Variants in PHACTR1 observed in about 807,000 individuals in gnomAD.
The protein encoded by PHACTR1 is phosphatase and actin regulator 1, also known as RPEL repeat containing 1.
In PHACTR1, 16 loss-of-function variants were observed where a neutral mutation model predicts 69.2. The observed-to-expected ratio is 0.23, with a 90% CI of 0.16 to 0.35. The LOEUF (loss-of-function observed/expected upper bound fraction) is 0.35, where lower values mean the gene tolerates loss of function less well. PHACTR1 is among the 10% of genes least tolerant of loss of function. PHACTR1 has a pLI of 1.00. For synonymous variants in PHACTR1, 312 were observed against 284.5 expected (o/e 1.10, Z -0.97); for missense variants, 510 against 734.7 (o/e 0.69, Z 3.54).
rs558796045 is a variant in PHACTR1, at chr6:13,202,280, G to A, written c.665-3535G>A. On this transcript the variant is annotated intron_variant, in intron 7 of 14. Coordinates refer to ENST00000332995, the MANE Select transcript of PHACTR1 (RefSeq NM_030948.6). Reference sequence around the variant, plus strand: ...GAGAAGCTATTGATTAACAAGATGGGCAGAACTCAATATAATCACTGCTCC... The same window carrying A: ...GAGAAGCTATTGATTAACAAGATGGACAGAACTCAATATAATCACTGCTCC... Among the ~76,000 whole-genome samples the A allele has an allele frequency of 3.3e-5, 5 of 152,268 alleles. No individual in the cohort carries two copies. The East Asian group carries it at 9.6e-4, about 29-fold the overall frequency.
At chr6:12,915,790 C>T (rs998000446) in intron 4 of PHACTR1, among the ~76,000 whole-genome samples, 7 of 152,160 alleles carry the variant, frequency 4.6e-5, no homozygotes, top group African/African-American at 1.4e-4. Context: ...CCATCTGCTT[C>T]GTCACCCCTA....
intron 6 of PHACTR1, among the ~76,000 whole-genome samples, chr6:13,171,914 C>T (rs1020492433): frequency 1.3e-5 from 2 of 152,092 alleles, no homozygotes; most frequent in African/African-American, 4.8e-5. Flanking sequence ...TACAGGCATG[C>T]GCCACCATGC....
At chr6:12,798,257 G>A (rs922894874) in intron 4 of PHACTR1, among the ~76,000 whole-genome samples, 1 of 152,164 alleles carries the variant, frequency 6.6e-6, no homozygotes, top group Non-Finnish European at 1.5e-5. Flanking sequence ...CCAGAAATCT[G>A]GAGGTTGAGT....
chr6:13,086,934 T>C (rs949209905), intron 5 of PHACTR1, among the ~76,000 whole-genome samples: 2 of 152,062 alleles, frequency 1.3e-5, no homozygotes, highest in African/African-American at 4.8e-5. Context: ...CACTTGGTAT[T>C]ATCCATTCAT....
At chr6:13,057,821 C>G (rs904767905) in intron 5 of PHACTR1, among the ~76,000 whole-genome samples, 1 of 152,198 alleles carries the variant, frequency 6.6e-6, no homozygotes, top group African/African-American at 2.4e-5. Flanking sequence ...GCTACTCTTA[C>G]ATCCTTCCTG....
intron 4 of PHACTR1, among the ~76,000 whole-genome samples, chr6:12,966,869 A>G (rs1793569819): frequency 6.6e-6 from 1 of 152,230 alleles, no homozygotes; most frequent in Non-Finnish European, 1.5e-5. Flanking sequence ...GGTGACTTAC[A>G]GATGTGCTCG....
rs549886878 is a variant in PHACTR1 at position 13,172,111 on chromosome 6, C to G, written c.497-10408C>G. On this transcript the variant is annotated intron_variant, in intron 6 of 14. Transcript: ENST00000332995. ...ATCTTGGATGCTAGGCTCAGTTGGG[C>G]TACCCTATTAATGATGAAAGAGGCC... 2.0e-5 allele frequency among the ~76,000 whole-genome samples: 3 copies of G among 152,262 alleles called. No individual in the cohort carries two copies. The South Asian group carries it at 6.2e-4, about 32-fold the overall frequency.
chr6:13,269,246 G>A (rs1272542034), intron 10 of PHACTR1, among the ~76,000 whole-genome samples: 7 of 152,164 alleles, frequency 4.6e-5, no homozygotes, highest in Admixed American at 2.0e-4. Context: ...AAGTGGCTGC[G>A]CATCTCTTAT....
At chr6:12,805,999 G>A (rs890481002) in intron 4 of PHACTR1, among the ~76,000 whole-genome samples, 7 of 152,094 alleles carry the variant, frequency 4.6e-5, no homozygotes, top group Non-Finnish European at 8.8e-5. Flanking sequence ...CTGCATTCTT[G>A]TTATTCTCCC....
chr6:12,742,473 T>C (rs929219889), intron 3 of PHACTR1, among the ~76,000 whole-genome samples: 1 of 152,154 alleles, frequency 6.6e-6, no homozygotes, highest in Non-Finnish European at 1.5e-5. Context: ...GGTTGACTTC[T>C]TTACCACAAC....
intron 4 of PHACTR1, among the ~76,000 whole-genome samples, chr6:13,025,677 G>C (rs574359263): frequency 5.3e-5 from 8 of 150,044 alleles, no homozygotes; most frequent in Non-Finnish European, 1.2e-4. Context: ...TTATTTGTGT[G>C]TGTGTGTGTG....
chr6:12,974,874 A>C (rs1379470202), intron 4 of PHACTR1, among the ~76,000 whole-genome samples: 1 of 152,212 alleles, frequency 6.6e-6, no homozygotes, highest in African/African-American at 2.4e-5. Flanking sequence ...GCCACTGACC[A>C]CTGTGTGAAA....
chr6:13,144,812 G>C (rs1233798736), intron 5 of PHACTR1, among the ~76,000 whole-genome samples: 1 of 149,590 alleles, frequency 6.7e-6, no homozygotes, highest in Admixed American at 6.7e-5. Context: ...AAATTCAAAG[G>C]ACCAAGAATG....
At chr6:13,037,124 C>G (rs1215563807) in intron 4 of PHACTR1, among the ~76,000 whole-genome samples, 2 of 152,160 alleles carry the variant, frequency 1.3e-5, no homozygotes, top group Non-Finnish European at 2.9e-5. Context: ...CCATGATTCT[C>G]TGCTCTGCCC....
chr6:13,077,894 C>A (rs896084592), intron 5 of PHACTR1, among the ~76,000 whole-genome samples: 44 of 152,214 alleles, frequency 2.9e-4, no homozygotes, highest in African/African-American at 1.0e-3. Flanking sequence ...TCAAAGATAG[C>A]CTAGAGGTTC....
intron 4 of PHACTR1, among the ~76,000 whole-genome samples, chr6:12,893,238 G>A (rs181446830): frequency 3.9e-5 from 6 of 152,274 alleles, no homozygotes; most frequent in African/African-American, 7.2e-5. Context: ...AGACAGATGC[G>A]TACAAAGCTG....
chr6:13,217,639 C>G (rs1384535755), intron 8 of PHACTR1, among the ~76,000 whole-genome samples: 1 of 151,896 alleles, frequency 6.6e-6, no homozygotes, highest in Non-Finnish European at 1.5e-5. Flanking sequence ...ACTCAAAATA[C>G]ATTTTCTATT....
intron 4 of PHACTR1, among the ~76,000 whole-genome samples, chr6:13,047,234 C>A (rs10948405): frequency 2.6e-5 from 4 of 151,752 alleles, no homozygotes; most frequent in Admixed American, 6.6e-5. Flanking sequence ...AAAAATTAGC[C>A]GAGTGTGGTA....
intron 4 of PHACTR1, among the ~76,000 whole-genome samples, chr6:12,778,137 T>C (rs1322392405): frequency 6.6e-6 from 1 of 152,250 alleles, no homozygotes; most frequent in African/African-American, 2.4e-5. Context: ...TGGCATTGAC[T>C]TAATTATTTT....
Sources: gnomAD v4.1 joint callset for allele counts (sites outside exome capture counted in the v4.1 genomes callset) on GRCh38, gnomAD v4.1.1 for gene constraint, MANE v1.5 for transcripts, NCBI Gene and HGNC (gene_info 2026-07-23, HGNC 2026-07-21) for gene names.